The following FRK variants were observed in gnomAD, a reference collection of about 807,000 sequenced individuals.
The protein encoded by FRK is fyn related Src family tyrosine kinase, also known as tyrosine-protein kinase FRK.
FRK carries 51 observed loss-of-function variants against 56.4 expected under a neutral mutation model. The observed-to-expected ratio is 0.90, with a 90% CI of 0.72 to 1.14. The LOEUF (loss-of-function observed/expected upper bound fraction) is 1.14, where lower values mean the gene tolerates loss of function less well. FRK is among the 50% of genes most tolerant of loss of function. FRK has a pLI of 0.00. For synonymous variants in FRK, 245 were observed against 217.9 expected (o/e 1.12, Z -1.10); for missense variants, 570 against 601.4 (o/e 0.95, Z 0.55).
chr6:116,084,549 T>C, the FRK span, among the ~76,000 whole-genome samples: 26 of 152,304 alleles, frequency 1.7e-4, 1 homozygote, highest in Admixed American at 1.6e-3. Flanking sequence ...CTTATTCAAA[T>C]AGCTGTAGCA....
At chr6:115,958,803 A>T (rs1377940236) in intron 4 of FRK, among the ~76,000 whole-genome samples, 2 of 65,844 alleles carry the variant, frequency 3.0e-5, no homozygotes, top group African/African-American at 1.3e-4. Context: ...AAAGAAAAAG[A>T]AAGAAAGAAA....
chr6:116,025,894 T>A (rs1776069504), intron 1 of FRK, among the ~76,000 whole-genome samples: 1 of 152,182 alleles, frequency 6.6e-6, no homozygotes, highest in Non-Finnish European at 1.5e-5. Context: ...ATATGTTGCA[T>A]GGCCTCTGGC....
At chr6:116,009,163 TTGATTGGCCAAACTCAG>T (rs1313591177) in intron 1 of FRK, among the ~76,000 whole-genome samples, 5 of 152,162 alleles carry the variant, frequency 3.3e-5, no homozygotes, top group Non-Finnish European at 7.4e-5. Flanking sequence ...TTGGCCCCCT[TTGATTGGCCAAACTCAG>T]TGATTGGCAC....
At chr6:116,083,435 C>T in the FRK span, among the ~76,000 whole-genome samples, 4 of 151,822 alleles carry the variant, frequency 2.6e-5, no homozygotes, top group Non-Finnish European at 5.9e-5. Context: ...AATGATTTAG[C>T]GGAAATAAAA....
At chr6:116,039,944 A>AGGG (rs1197222922) in intron 1 of FRK, among the ~76,000 whole-genome samples, 1 of 111,664 alleles carries the variant, frequency 9.0e-6, no homozygotes, top group Non-Finnish European at 2.0e-5. Flanking sequence ...ACCTGGCACT[A>AGGG]AAAAAAAAAA....
chr6:115,954,286 C>G (rs957948272), intron 5 of FRK, among the ~76,000 whole-genome samples: 2 of 152,098 alleles, frequency 1.3e-5, no homozygotes, highest in Non-Finnish European at 2.9e-5. Flanking sequence ...GAATAGAGAG[C>G]CAGGCCATGC....
chr6:115,990,407 C>A (rs1405116938), intron 2 of FRK, among the ~76,000 whole-genome samples: 1 of 151,692 alleles, frequency 6.6e-6, no homozygotes, highest in Admixed American at 6.6e-5. Flanking sequence ...TTTATAGGTT[C>A]AAGCATCACA....
the FRK span, among the ~76,000 whole-genome samples, chr6:116,089,275 C>A: frequency 2.6e-5 from 4 of 152,184 alleles, no homozygotes; most frequent in Non-Finnish European, 4.4e-5. Context: ...GATATCTTTG[C>A]TTCAAATTTC....
At chr6:116,055,328 A>C (rs555085983) in intron 1 of FRK, among the ~76,000 whole-genome samples, 1 of 152,300 alleles carries the variant, frequency 6.6e-6, no homozygotes, top group African/African-American at 2.4e-5. Flanking sequence ...CATAATCATA[A>C]ACTACCAACA....
chr6:116,076,001 T>G, the FRK span, among the ~76,000 whole-genome samples: 1 of 152,198 alleles, frequency 6.6e-6, no homozygotes, highest in African/African-American at 2.4e-5. Context: ...ATTGACTTCT[T>G]CCTGGAAATT....
At chr6:115,962,409 A>T (rs1385281740) in intron 4 of FRK, among the ~76,000 whole-genome samples, 2 of 145,052 alleles carry the variant, frequency 1.4e-5, no homozygotes, top group Non-Finnish European at 1.5e-5. Context: ...GTCCTGAGTG[A>T]CCTACAAAGA....
At chr6:115,945,407 G>A (rs1312483247) in intron 5 of FRK, among the ~76,000 whole-genome samples, 5 of 151,960 alleles carry the variant, frequency 3.3e-5, no homozygotes, top group Non-Finnish European at 5.9e-5. Flanking sequence ...TGGCCATTCT[G>A]GCTGGTGAGA....
rs529435370 is a variant in FRK, at chr6:115,946,628, A to AT, written c.959-2204dup. On this transcript the variant is annotated intron_variant, in intron 5 of 7. Transcript: ENST00000606080. Reference sequence around the variant, plus strand: ...AGCAAGAGATATAGATTTAACGATCATAAGTTACAAGTGGGAGTTAAAACA... The same window carrying AT: ...AGCAAGAGATATAGATTTAACGATCATTAAGTTACAAGTGGGAGTTAAAACA... Among the ~76,000 whole-genome samples the AT allele has an allele frequency of 2.7e-3, 413 of 152,318 alleles. 1 individual carries two copies. The highest frequency in any genetic ancestry group is 9.4e-3 in the African/African-American group (390 of 41,570).
rs370283296 is a variant in FRK, at chr6:116,044,262, C to A, written c.344+15706G>T. 6.6e-5 allele frequency among the ~76,000 whole-genome samples: 10 copies of A among 152,240 alleles called. No homozygotes were observed. In the South Asian group the frequency reaches 1.0e-3, roughly 16 times the overall value. On this transcript the variant is annotated intron_variant, in intron 1 of 7. Coordinates refer to ENST00000606080, the MANE Select transcript of FRK (RefSeq NM_002031.3). ...AGGCCAGCATCATCCTGTGACCAAA[C>A]TCTGGCAGAGACACAATAAAAAAAG...
At chr6:116,026,143 C>T (rs752835863) in intron 1 of FRK, among the ~76,000 whole-genome samples, 3 of 152,078 alleles carry the variant, frequency 2.0e-5, no homozygotes, top group African/African-American at 4.8e-5. Flanking sequence ...GCACAGAGAA[C>T]AGGGGCCTTA....
chr6:116,075,849 G>T, the FRK span, among the ~76,000 whole-genome samples: 1 of 152,160 alleles, frequency 6.6e-6, no homozygotes, highest in East Asian at 1.9e-4. Flanking sequence ...TGAGGAGAGT[G>T]ACAAGAGGTG....
At chr6:116,098,027 G>C in the FRK span, among the ~76,000 whole-genome samples, 1 of 150,998 alleles carries the variant, frequency 6.6e-6, no homozygotes, top group Non-Finnish European at 1.5e-5. Flanking sequence ...CAGTTCTGGA[G>C]GCTCAAAGTC....
intron 5 of FRK, among the ~76,000 whole-genome samples, chr6:115,948,437 G>A (rs755262709): frequency 6.6e-6 from 1 of 152,130 alleles, no homozygotes; most frequent in African/African-American, 2.4e-5. Flanking sequence ...CACAGAAACT[G>A]TGAGATAATA....
chr6:115,956,488 A>G lies in FRK; in HGVS notation c.922T>C (p.Leu308=). Residue 308 remains leucine (L), a synonymous_variant, in exon 5 of 8, where the codon TTG becomes CTG. Coordinates refer to ENST00000606080, the MANE Select transcript of FRK (RefSeq NM_002031.3). ...TCTTGCAGACTTCCATGTCTCATCA[A>G]CTCTGTAATAATATAAATTGGATCT... ...LEDPIYIITE[L]MRHGSLQEYL... The G allele has an allele frequency of 6.4e-7, 1 of 1,570,640 alleles. No homozygotes were observed. Among genetic ancestry groups the G allele is most frequent in the Non-Finnish European group, 8.6e-7 (1 of 1,158,434 alleles).
Sources: gnomAD v4.1 joint callset for allele counts (sites outside exome capture counted in the v4.1 genomes callset) on GRCh38, gnomAD v4.1.1 for gene constraint, MANE v1.5 for transcripts, NCBI Gene and HGNC (gene_info 2026-07-23, HGNC 2026-07-21) for gene names.